The following ELMO1 variants were observed in gnomAD, a reference collection of about 807,000 sequenced individuals.
ELMO1 encodes engulfment and cell motility 1, also known as engulfment and cell motility protein 1.
ELMO1 carries 26 observed loss-of-function variants against 98.9 expected under a neutral mutation model. That is an observed-to-expected ratio of 0.26 (90% CI 0.19 to 0.36). The LOEUF (loss-of-function observed/expected upper bound fraction) is 0.36. Ranked by LOEUF, ELMO1 falls within the 10% of genes least tolerant of loss-of-function variation. The pLI, the probability that ELMO1 is intolerant of heterozygous loss-of-function variation, is 1.00. For synonymous variants in ELMO1, 346 were observed against 346.0 expected (o/e 1.00, Z 0.00); for missense variants, 627 against 935.2 (o/e 0.67, Z 4.30).
At chr7:37,241,973 C>T (rs556067223) in intron 7 of ELMO1, among the ~76,000 whole-genome samples, 1 of 152,252 alleles carries the variant, frequency 6.6e-6, no homozygotes, top group South Asian at 2.1e-4. Context: ...TCCTACAGAT[C>T]TGAGTATCTA....
chr7:37,148,292 A>G (rs1788131719), intron 13 of ELMO1, among the ~76,000 whole-genome samples: 3 of 152,196 alleles, frequency 2.0e-5, no homozygotes, highest in African/African-American at 7.2e-5. Flanking sequence ...ATACAGAAAG[A>G]CACACACACA....
chr7:36,926,759 T>C (rs1785610587), intron 16 of ELMO1, among the ~76,000 whole-genome samples: 1 of 152,234 alleles, frequency 6.6e-6, no homozygotes, highest in Non-Finnish European at 1.5e-5. Context: ...TAGTAACTCA[T>C]TGCTGAAGCT....
intron 13 of ELMO1, among the ~76,000 whole-genome samples, chr7:37,164,227 C>T (rs1460184653): frequency 6.6e-6 from 1 of 152,144 alleles, no homozygotes; most frequent in Non-Finnish European, 1.5e-5. Context: ...ATTGTAGATT[C>T]TGGATATTAG....
At chr7:37,341,370 T>G (rs550894121) in intron 2 of ELMO1, among the ~76,000 whole-genome samples, 4 of 152,328 alleles carry the variant, frequency 2.6e-5, no homozygotes, top group African/African-American at 9.6e-5. Flanking sequence ...AAATTTTAAC[T>G]AGCATCTCAA....
At chr7:37,092,064 C>A (rs954106395) in intron 15 of ELMO1, among the ~76,000 whole-genome samples, 1 of 152,150 alleles carries the variant, frequency 6.6e-6, no homozygotes, top group Non-Finnish European at 1.5e-5. Flanking sequence ...CTGACTGGGG[C>A]TGCCAATTAT....
intron 4 of ELMO1, among the ~76,000 whole-genome samples, chr7:37,277,771 A>C (rs186811661): frequency 6.6e-4 from 101 of 152,284 alleles, no homozygotes; most frequent in African/African-American, 2.3e-3. Context: ...TCACCCCCAC[A>C]CTCAGCTGGT....
chr7:37,298,623 G>A (rs1371637835), intron 4 of ELMO1, among the ~76,000 whole-genome samples: 32 of 142,270 alleles, frequency 2.2e-4, no homozygotes, highest in African/African-American at 6.9e-4. Flanking sequence ...TCCCTACAAA[G>A]GACATGAACT....
intron 1 of ELMO1, among the ~76,000 whole-genome samples, chr7:37,356,024 A>G (rs776900294): frequency 7.2e-5 from 11 of 152,202 alleles, no homozygotes; most frequent in African/African-American, 1.2e-4. Flanking sequence ...ACCCCAAAGT[A>G]TGGAGCTTTG....
chr7:37,013,371 A>G lies in ELMO1; in HGVS notation c.1365T>C (p.Phe455=). The G allele has an allele frequency of 6.2e-7, 1 of 1,614,140 alleles. No individual in the cohort carries two copies. Among genetic ancestry groups the G allele is most frequent in the South Asian group, 1.1e-5 (1 of 91,086 alleles). Residue 455 remains phenylalanine, a synonymous_variant, in exon 16 of 22, where the codon TTT becomes TTC. Coordinates refer to ENST00000310758, the MANE Select transcript of ELMO1 (RefSeq NM_014800.11). The part of the protein sequence containing the change: ...FFTHDRSFEE[F]FCICIQLLNK... ...TCAGGAGCTGGATACAGATGCAGAA[A>G]AACTCCTCAAAGGATCTGTCGTGGG...
chr7:37,284,186 G>A (rs916316857), intron 4 of ELMO1, among the ~76,000 whole-genome samples: 3 of 152,112 alleles, frequency 2.0e-5, no homozygotes, highest in African/African-American at 4.8e-5. Flanking sequence ...TACTTCCCAC[G>A]TGACCCTGGG....
chr7:37,418,124 C>T (rs775883513), intron 1 of ELMO1, among the ~76,000 whole-genome samples: 1 of 152,126 alleles, frequency 6.6e-6, no homozygotes, highest in Admixed American at 6.5e-5. Context: ...CTCAACATTG[C>T]AGGCTCTCCC....
At chr7:36,873,715 AC>A (rs1241542371) in intron 19 of ELMO1, among the ~76,000 whole-genome samples, 1 of 152,258 alleles carries the variant, frequency 6.6e-6, no homozygotes, top group Non-Finnish European at 1.5e-5. Context: ...CATGCTGAGC[AC>A]AGCCCCAAAT....
intron 13 of ELMO1, among the ~76,000 whole-genome samples, chr7:37,176,589 G>C (rs1220189307): frequency 7.2e-5 from 11 of 152,148 alleles, no homozygotes; most frequent in African/African-American, 2.7e-4. Flanking sequence ...AGCCATAAAA[G>C]TAATTGTGGT....
At chr7:36,866,767 C>T (rs959524193) in intron 20 of ELMO1, among the ~76,000 whole-genome samples, 2 of 152,156 alleles carry the variant, frequency 1.3e-5, no homozygotes, top group Admixed American at 6.5e-5. Context: ...TGGTTGTCAT[C>T]CATCCACTGT....
intron 1 of ELMO1, among the ~76,000 whole-genome samples, chr7:37,391,384 G>A (rs1803070900): frequency 6.6e-6 from 1 of 152,098 alleles, no homozygotes; most frequent in Non-Finnish European, 1.5e-5. Context: ...CCGAAGTGCT[G>A]GCATTACAGG....
chr7:37,332,762 G>C (rs1455958498), intron 2 of ELMO1, among the ~76,000 whole-genome samples: 3 of 152,212 alleles, frequency 2.0e-5, no homozygotes, highest in Admixed American at 2.0e-4. Flanking sequence ...GCAAGAGCTG[G>C]GGGCAGGGGG....
chr7:37,267,670 G>T (rs933467656), intron 5 of ELMO1, among the ~76,000 whole-genome samples: 3 of 152,202 alleles, frequency 2.0e-5, no homozygotes, highest in African/African-American at 7.2e-5. Context: ...TAGGACTGTA[G>T]ATTTTCATCT....
chr7:37,440,000 T>TGTGA (rs1169736279), intron 1 of ELMO1, among the ~76,000 whole-genome samples: 2 of 151,986 alleles, frequency 1.3e-5, no homozygotes, highest in African/African-American at 4.8e-5. Flanking sequence ...TGTGTGTGTG[T>TGTGA]CTTTCTCTCA....
At chr7:37,287,107 C>T (rs941134416) in intron 4 of ELMO1, among the ~76,000 whole-genome samples, 5 of 151,462 alleles carry the variant, frequency 3.3e-5, no homozygotes, top group Non-Finnish European at 7.4e-5. Flanking sequence ...ACAGAAGGAT[C>T]GCTTGAACCC....
Sources: allele counts gnomAD v4.1 joint callset (sites outside exome capture counted in the v4.1 genomes callset), GRCh38; gene constraint gnomAD v4.1.1; transcripts MANE v1.5; gene names NCBI Gene and HGNC (gene_info 2026-07-23, HGNC 2026-07-21).